Variants in RABEP1 observed in about 807,000 individuals in gnomAD.
RABEP1 encodes rab GTPase-binding effector protein 1.
In RABEP1, 51 loss-of-function variants were observed where a neutral mutation model predicts 123.4. The observed-to-expected ratio is 0.41, with a 90% CI of 0.33 to 0.52. The LOEUF is 0.52. Among genes scored for constraint, RABEP1 ranks in the 20% least tolerant of loss-of-function variants. RABEP1 has a pLI of 0.16. For missense variants in RABEP1, 888 were observed against 996.3 expected (o/e 0.89, Z 1.46); for synonymous variants, 347 against 355.2 (o/e 0.98, Z 0.26).
intron 2 of RABEP1, among the ~76,000 whole-genome samples, chr17:5,324,498 G>A (rs1396038758): frequency 1.3e-5 from 2 of 152,152 alleles, no homozygotes; most frequent in Non-Finnish European, 2.9e-5. Context: ...GAAAACACTT[G>A]GGAAACAGAC....
At chr17:5,311,425 G>A (rs897889563) in intron 2 of RABEP1, among the ~76,000 whole-genome samples, 2 of 151,868 alleles carry the variant, frequency 1.3e-5, no homozygotes, top group African/African-American at 2.4e-5. Flanking sequence ...GGCCAGGCAC[G>A]GTGGCTGACA....
At chr17:5,325,827 A>G (rs1420683630) in intron 2 of RABEP1, among the ~76,000 whole-genome samples, 2 of 152,224 alleles carry the variant, frequency 1.3e-5, no homozygotes, top group African/African-American at 4.8e-5. Context: ...AACTATGTAC[A>G]TGTGCATCAA....
intron 2 of RABEP1, among the ~76,000 whole-genome samples, chr17:5,314,805 A>C (rs917874300): frequency 6.6e-6 from 1 of 152,218 alleles, no homozygotes; most frequent in African/African-American, 2.4e-5. Context: ...GGTGTGAGCC[A>C]CCATGCCCGG....
intron 2 of RABEP1, among the ~76,000 whole-genome samples, chr17:5,322,320 T>C (rs937900247): frequency 2.6e-5 from 4 of 151,960 alleles, no homozygotes; most frequent in Admixed American, 2.6e-4. Flanking sequence ...ATTGTGCCAC[T>C]CTGCATGCCA....
chr17:5,293,364 G>T (rs906749696), intron 1 of RABEP1, among the ~76,000 whole-genome samples: 2 of 151,728 alleles, frequency 1.3e-5, no homozygotes, highest in Non-Finnish European at 2.9e-5. Flanking sequence ...ATAGACATTG[G>T]CCTTTGTTTT....
chr17:5,347,508 T>A (rs927770157), intron 6 of RABEP1, among the ~76,000 whole-genome samples: 2 of 152,174 alleles, frequency 1.3e-5, no homozygotes, highest in African/African-American at 4.8e-5. Context: ...GAATTTCTGC[T>A]TCAACTACTT....
At chr17:5,367,014 G>A (rs959207529) in intron 11 of RABEP1, among the ~76,000 whole-genome samples, 11 of 150,986 alleles carry the variant, frequency 7.3e-5, no homozygotes, top group Admixed American at 2.0e-4. Context: ...GCTTGAACCC[G>A]GGAGGCGGAG....
intron 12 of RABEP1, among the ~76,000 whole-genome samples, chr17:5,369,544 A>G (rs1910357306): frequency 6.6e-6 from 1 of 152,160 alleles, no homozygotes. Flanking sequence ...GTTGGGAAGC[A>G]TCTCATCCTA....
At chr17:5,293,879 C>T (rs2075055772) in intron 1 of RABEP1, among the ~76,000 whole-genome samples, 1 of 152,134 alleles carries the variant, frequency 6.6e-6, no homozygotes, top group African/African-American at 2.4e-5. Context: ...TTTTTTTCTA[C>T]ATCATTTCAA....
Position 5,384,660 on chromosome 17 carries a change from C to G in RABEP1, c.*1437C>G. 1 of 213,332 alleles carries G rather than the reference C, an allele frequency of 4.7e-6. No homozygotes were observed. Among genetic ancestry groups the G allele is most frequent in the Non-Finnish European group, 9.4e-6 (1 of 105,854 alleles). 13.2% of individuals were successfully genotyped at this position (213,332 alleles called of 1,614,324 possible). ...AGGACAAATGATAAGTACTACATAC[C>G]TCATCTCTTGGGTTATTATTGTAGT... On this transcript the variant is annotated 3_prime_UTR_variant, in exon 18 of 18. Coordinates refer to ENST00000537505, the MANE Select transcript of RABEP1 (RefSeq NM_004703.6).
At chr17:5,369,613 CG>C (rs1910363425) in intron 12 of RABEP1, among the ~76,000 whole-genome samples, 1 of 152,106 alleles carries the variant, frequency 6.6e-6, no homozygotes, top group African/African-American at 2.4e-5. Flanking sequence ...ATAACACTGG[CG>C]TAAAAATCAC....
chr17:5,365,073 AAT>A, intron 10 of RABEP1, 47 bp from the exon 11 acceptor site: 1 of 1,283,148 alleles, frequency 7.8e-7, no homozygotes, highest in South Asian at 1.4e-5. Context: ...AAAAAAAAAA[AAT>A]TATAAAAGGA....
At chr17:5,370,380 T>G (rs565686290) in intron 12 of RABEP1, among the ~76,000 whole-genome samples, 1 of 152,360 alleles carries the variant, frequency 6.6e-6, no homozygotes, top group African/African-American at 2.4e-5. Context: ...TCCTTAAAAT[T>G]TAACCAGTTG....
At position 5,365,235 on chromosome 17, in the gene RABEP1, C is replaced by T. The variant is rs371641660; in HGVS notation, c.1782C>T (p.His594=). 1.9e-6 allele frequency: 3 copies of T among 1,602,132 alleles called. No individual in the cohort carries two copies. The highest frequency in any genetic ancestry group is 2.6e-6 in the Non-Finnish European group (3 of 1,174,076). The change falls in exon 11 of 18, where the codon CAC becomes CAT. Residue 594 remains histidine (H), a synonymous_variant. Transcript: ENST00000537505. ...AGCAAAGCAGCGAAGATTCGAGTCA[C>T]CAGGTAAGGGAGGGTTTATAGACTG... ...FIKQSSEDSS[H]QISALVLRAQ...
Position 5,343,564 on chromosome 17 carries a change from C to T in RABEP1, c.649-3226C>T, listed in dbSNP as rs976453481. On this transcript the variant is annotated intron_variant, in intron 5 of 17. Transcript: ENST00000537505. ...GACAGGTTTATTTCTAAACCGGTAA[C>T]GAACTATCTTAATTATAGTAGCTTT... Among the ~76,000 whole-genome samples, 8 of 151,630 alleles carry T rather than the reference C, an allele frequency of 5.3e-5. No individual in the cohort carries two copies. In the East Asian group the frequency reaches 1.2e-3, roughly 22 times the overall value.
intron 4 of RABEP1, among the ~76,000 whole-genome samples, chr17:5,337,182 T>TC (rs1459316838): frequency 6.6e-6 from 1 of 152,220 alleles, no homozygotes; most frequent in Non-Finnish European, 1.5e-5. Flanking sequence ...AAGGGGTCAC[T>TC]CTTTGTGTTT....
At chr17:5,308,619 T>G in intron 1 of RABEP1, 75 bp from the exon 2 acceptor site, 1 of 1,349,532 alleles carries the variant, frequency 7.4e-7, no homozygotes, top group South Asian at 1.4e-5. Flanking sequence ...AATGTACAGC[T>G]AGAATACTAA....
At chr17:5,382,999 C>T (rs762238145) in intron 17 of RABEP1, 123 bp from the exon 18 acceptor site, 91 of 723,712 alleles carry the variant, frequency 1.3e-4, no homozygotes, top group Non-Finnish European at 2.1e-4. Flanking sequence ...ATTGTTCTTG[C>T]TGTCTCCCTT....
rs1910380300 is a variant in RABEP1, at chr17:5,369,791, C to T, written c.1884+1323C>T. ...TCTCGGCTCACTGCAACCTCCTCCT[C>T]CTGGGTTCAAGTGATTCTCCTGCCT... On this transcript the variant is annotated intron_variant, in intron 12 of 17. Transcript: ENST00000537505. 2.6e-5 allele frequency among the ~76,000 whole-genome samples: 4 copies of T among 151,978 alleles called. No homozygotes were observed. In the South Asian group the frequency reaches 6.2e-4, roughly 24 times the overall value.
Sources: allele counts gnomAD v4.1 joint callset (sites outside exome capture counted in the v4.1 genomes callset), GRCh38; gene constraint gnomAD v4.1.1; transcripts MANE v1.5; gene names NCBI Gene and HGNC (gene_info 2026-07-23, HGNC 2026-07-21).